Variants in HHIPL2 observed in about 807,000 individuals in gnomAD.
HHIPL2 encodes HHIP like 2.
HHIPL2 carries 61 observed loss-of-function variants against 61.0 expected under a neutral mutation model. The ratio of observed to expected loss-of-function variants is 1.00; its 90% CI spans 0.81 to 1.24. The LOEUF is 1.24. Among genes scored for constraint, HHIPL2 ranks in the 50% most tolerant of loss-of-function variants. The pLI is 0.00. For synonymous variants in HHIPL2, 343 were observed against 357.4 expected, an observed-to-expected ratio of 0.96 and a Z score of 0.45; for missense variants, 885 against 910.2, an observed-to-expected ratio of 0.97 and a Z score of 0.36.
chr1:222,545,641 C>T (rs1206972768), intron 1 of HHIPL2, among the ~76,000 whole-genome samples: 2 of 152,138 alleles, frequency 1.3e-5, no homozygotes, highest in African/African-American at 4.8e-5. Flanking sequence ...GGCACACTCT[C>T]ATGCAGCCAT....
At chr1:222,541,892 G>A in intron 3 of HHIPL2, 120 bp downstream of exon 3, 2 of 991,304 alleles carry the variant, frequency 2.0e-6, no homozygotes, top group Non-Finnish European at 2.9e-6. Context: ...TCCTCCCATT[G>A]CCTCAGTGGA....
rs79813215 is a variant in HHIPL2, at chr1:222,530,459, C to T, written c.1723+1507G>A. ...TTCTCTCCTTTTTCATATGTTTGGACTTCCAATTTGGAACTCACATAGACT... is the reference window on the plus strand; with the variant it reads ...TTCTCTCCTTTTTCATATGTTTGGATTTCCAATTTGGAACTCACATAGACT... On this transcript the variant is annotated intron_variant, in intron 6 of 8. Transcript: ENST00000343410. 5.8e-3 allele frequency among the ~76,000 whole-genome samples: 888 copies of T among 152,346 alleles called. 21 individuals are homozygous for T. In the East Asian group the frequency reaches 0.083, roughly 14 times the overall value.
chr1:222,543,872 G>A lies in HHIPL2; in HGVS notation c.639C>T (p.Ala213=), dbSNP rs757680557. The change falls in exon 2 of 9, where the codon GCC becomes GCT. Residue 213 remains alanine, a synonymous_variant. Transcript: ENST00000343410. The stretch of plus-strand genomic sequence containing the variant: ...TGGAGACGGGGTTCCTCAGCCCGTT[G>A]GCCACCTCGCTCAGGCAGAGCTGCA... The part of the protein sequence containing the change: ...GCLQLCLSEV[A]NGLRNPVSMV... The A allele has an allele frequency of 1.9e-6, 3 of 1,614,168 alleles. No homozygotes were observed. Among genetic ancestry groups the A allele is most frequent in the Non-Finnish European group, 2.5e-6 (3 of 1,180,024 alleles).
At chr1:222,536,985 G>A (rs1659314146) in intron 5 of HHIPL2, among the ~76,000 whole-genome samples, 1 of 152,116 alleles carries the variant, frequency 6.6e-6, no homozygotes, top group Non-Finnish European at 1.5e-5. Context: ...GCTGTAGTGA[G>A]CTATGATCGT....
chr1:222,528,444 T>G (rs554727393), intron 6 of HHIPL2, among the ~76,000 whole-genome samples: 1 of 152,192 alleles, frequency 6.6e-6, no homozygotes, highest in Non-Finnish European at 1.5e-5. Context: ...CCCTCTCTAC[T>G]AAAAATACAA....
chr1:222,535,224 C>A (rs1341768644), intron 5 of HHIPL2, among the ~76,000 whole-genome samples: 1 of 152,100 alleles, frequency 6.6e-6, no homozygotes, highest in Non-Finnish European at 1.5e-5. Flanking sequence ...ACTTCTATAC[C>A]TAGTGAAAAT....
chr1:222,523,955 T>C (rs533360977), intron 7 of HHIPL2: 86 of 471,418 alleles, frequency 1.8e-4, no homozygotes, highest in Non-Finnish European at 3.8e-6. Context: ...TCAAAACGGG[T>C]TCACATCCTG....
chr1:222,526,889 T>G (rs750703685), intron 7 of HHIPL2, 80 bp downstream of exon 7: 4 of 1,154,976 alleles, frequency 3.5e-6, no homozygotes, highest in Non-Finnish European at 5.1e-6. Flanking sequence ...TTCGGGACAA[T>G]GAGGACTGTT....
rs201554296 is a variant in HHIPL2 at position 222,547,919 on chromosome 1, G to A, written c.126C>T (p.His42=). 3 of 1,613,184 alleles carry A rather than the reference G, an allele frequency of 1.9e-6. No homozygotes were observed. The highest frequency in any genetic ancestry group is 1.1e-5 in the South Asian group (1 of 91,006). The change falls in exon 1 of 9, where the codon CAC becomes CAT. Residue 42 remains histidine (H), a synonymous_variant. Transcript: ENST00000343410. Reference sequence around the variant, plus strand: ...GGGGCCCGTAATCCAGGCACTGGGGGTGTCCCTGCAGCAAGCCCACCTGGC... The same window carrying A: ...GGGGCCCGTAATCCAGGCACTGGGGATGTCCCTGCAGCAAGCCCACCTGGC... The part of the protein sequence containing the change: ...LLGQVGLLQG[H]PQCLDYGPPF...
chr1:222,523,631 G>C lies in HHIPL2; in HGVS notation c.1869C>G (p.Ile623Met). ...PVPVRTKSKR[I>M]PFRPLAKTVL... ...ACTCACTGGCGAGTGGTCTGAACGGGATCCGCTTACTCTTGGTTCTCACGG... is the reference window on the plus strand; with the variant it reads ...ACTCACTGGCGAGTGGTCTGAACGGCATCCGCTTACTCTTGGTTCTCACGG... The change falls in exon 8 of 9, where the codon ATC (isoleucine) becomes ATG (methionine). Residue 623 changes from isoleucine to methionine, a missense_variant. By Grantham distance (10) the Ile-to-Met change is conservative (BLOSUM62 1). Transcript: ENST00000343410. 2 of 1,614,182 alleles carry C rather than the reference G, an allele frequency of 1.2e-6. No homozygotes were observed. The highest frequency in any genetic ancestry group is 1.7e-6 in the Non-Finnish European group (2 of 1,180,024).
In HHIPL2 at chr1:222,544,016, A is replaced by G. The variant is rs1431416824; in HGVS notation, c.495T>C (p.Gly165=). ...GGTCCAGGAGGTGGCAGAAGCGGGT[A>G]CCGTCCCTTCCATGAGACTCCTGGA... ...RGLQESHGRD[G]TRFCHLLDLP... is the part of the protein sequence containing the mutation. The change falls in exon 2 of 9, where the codon GGT becomes GGC. Residue 165 remains glycine (G), a synonymous_variant. Coordinates refer to ENST00000343410, the MANE Select transcript of HHIPL2 (RefSeq NM_024746.4). The G allele has an allele frequency of 1.2e-6, 2 of 1,613,952 alleles. No individual in the cohort carries two copies. Among genetic ancestry groups the G allele is most frequent in the African/African-American group, 1.3e-5 (1 of 74,844 alleles).
At chr1:222,531,924 G>C (rs1659199945) in intron 6 of HHIPL2, 42 bp downstream of exon 6, 2 of 1,549,930 alleles carry the variant, frequency 1.3e-6, no homozygotes, top group African/African-American at 2.8e-5. Flanking sequence ...GATTATCCGA[G>C]TTCTAGTAAG....
At chr1:222,546,073 A>AAT (rs936645944) in intron 1 of HHIPL2, among the ~76,000 whole-genome samples, 7 of 151,928 alleles carry the variant, frequency 4.6e-5, no homozygotes, top group Non-Finnish European at 8.8e-5. Context: ...TAAATAAATA[A>AAT]AAGTCCTATG....
intron 6 of HHIPL2, among the ~76,000 whole-genome samples, chr1:222,528,086 T>C (rs1463405646): frequency 2.0e-5 from 3 of 152,204 alleles, no homozygotes; most frequent in Non-Finnish European, 4.4e-5. Flanking sequence ...TCACAGTAAC[T>C]ACCTCATTCC....
In HHIPL2 at chr1:222,532,103, A is replaced by T; in HGVS notation, c.1586T>A (p.Met529Lys). The change falls in exon 6 of 9, where the codon ATG becomes AAG. Residue 529 changes from methionine to lysine, a missense_variant. By Grantham distance (95) the Met-to-Lys change is moderately conservative. Coordinates refer to ENST00000343410, the MANE Select transcript of HHIPL2 (RefSeq NM_024746.4). The stretch of plus-strand genomic sequence containing the variant: ...GTTTTTTCTATCTTCCTGCAAAGCC[A>T]TAAGTCGACTAGACAAAAAATAAAC... ...IFGDFMSGRL[M>K]ALQEDRKNKK... The T allele has an allele frequency of 6.2e-7, 1 of 1,612,750 alleles. No individual in the cohort carries two copies. The highest frequency in any genetic ancestry group is 8.5e-7 in the Non-Finnish European group (1 of 1,179,272).
At chr1:222,539,299 A>G (rs943254709) in intron 4 of HHIPL2, among the ~76,000 whole-genome samples, 2 of 152,054 alleles carry the variant, frequency 1.3e-5, no homozygotes, top group Non-Finnish European at 2.9e-5. Context: ...TGGGAGGCCG[A>G]GGCAGGCGGA....
chr1:222,540,265 A>C lies in HHIPL2; in HGVS notation c.1195T>G (p.Ser399Ala). 8 of 1,614,232 alleles carry C rather than the reference A, an allele frequency of 5.0e-6. No individual in the cohort carries two copies. The highest frequency in any genetic ancestry group is 6.8e-6 in the Non-Finnish European group (8 of 1,180,038). Residue 399 changes from serine (S) to alanine (A), a missense_variant, in exon 4 of 9, where the codon TCG (serine) becomes GCG (alanine). Physicochemically the swap from Ser to Ala is moderately conservative, Grantham distance 99. Coordinates refer to ENST00000343410, the MANE Select transcript of HHIPL2 (RefSeq NM_024746.4). Reference protein sequence around the residue: ...GSHGKRYRVPSDNPFVSEPGA... With the variant: ...GSHGKRYRVPADNPFVSEPGA... ...GGCTCAGAAACAAATGGATTGTCCG[A>C]GGGGACTCGGTACCGCTTGCCATGT...
At chr1:222,546,155 G>T (rs560161266) in intron 1 of HHIPL2, among the ~76,000 whole-genome samples, 1 of 152,222 alleles carries the variant, frequency 6.6e-6, no homozygotes, top group African/African-American at 2.4e-5. Flanking sequence ...AGCAGTGAGC[G>T]AAATGCACAA....
At chr1:222,527,446 A>G (rs1182464289) in intron 6 of HHIPL2, among the ~76,000 whole-genome samples, 1 of 152,084 alleles carries the variant, frequency 6.6e-6, no homozygotes, top group Admixed American at 6.5e-5. Context: ...CCATCTGTCA[A>G]TCGCTTTATT....
Sources: allele counts gnomAD v4.1 joint callset (sites outside exome capture counted in the v4.1 genomes callset), GRCh38; gene constraint gnomAD v4.1.1; transcripts MANE v1.5; gene names NCBI Gene and HGNC (gene_info 2026-07-23, HGNC 2026-07-21).